Variants in MYH1 observed in about 807,000 individuals in gnomAD.
MYH1 encodes the protein myosin-1.
In MYH1, 214 loss-of-function variants were observed where a neutral mutation model predicts 225.6. That is an observed-to-expected ratio of 0.95 (90% confidence interval 0.85 to 1.06). The LOEUF (loss-of-function observed/expected upper bound fraction) is 1.06. MYH1 is among the 50% of genes least tolerant of loss of function. The pLI, the probability that MYH1 is intolerant of heterozygous loss-of-function variation, is 0.00. For missense variants in MYH1, 2,098 were observed against 2,344.2 expected, an observed-to-expected ratio of 0.89 and a Z score of 2.17; for synonymous variants, 774 against 842.3, an observed-to-expected ratio of 0.92 and a Z score of 1.40.
At chr17:10,505,719 A>G (rs1317024479) in intron 19 of MYH1, 93 bp downstream of exon 19, 15 of 1,528,768 alleles carry the variant, frequency 9.8e-6, no homozygotes, top group Non-Finnish European at 1.3e-5. Flanking sequence ...CTTCTCTTCA[A>G]TTTTAAGAGG....
At position 10,500,858 on chromosome 17, in the gene MYH1, G is replaced by A. The variant is rs574365884; in HGVS notation, c.3739-106C>T. 2.0e-6 allele frequency: 3 copies of A among 1,509,860 alleles called. No individual in the cohort carries two copies. The African/African-American group carries it at 4.2e-5, about 21-fold the overall frequency. The allele number at this position is 1,509,860 out of a possible 1,614,324, so 93.5% of individuals were successfully genotyped here. Reference sequence around the variant, plus strand: ...GAGCTGCAGTACTCATTTATTTTGAGAAGAAACTATCTTTACAAACAAAAC... The same window carrying A: ...GAGCTGCAGTACTCATTTATTTTGAAAAGAAACTATCTTTACAAACAAAAC... On this transcript the variant is annotated intron_variant, in intron 27 of 39. Transcript: ENST00000226207.
chr17:10,509,752 A>T, intron 14 of MYH1, 97 bp from the exon 15 acceptor site: 3 of 1,602,018 alleles, frequency 1.9e-6, no homozygotes, highest in Non-Finnish European at 2.6e-6. Flanking sequence ...CCCTCTTAGG[A>T]TGGTATCGTT....
At chr17:10,494,856 C>G (rs2072971050) in intron 37 of MYH1, 75 bp downstream of exon 37, 2 of 1,612,126 alleles carry the variant, frequency 1.2e-6, no homozygotes, top group South Asian at 1.1e-5. Context: ...CCCACATCAT[C>G]TAGCAGTGCT....
At chr17:10,498,884 C>T in intron 29 of MYH1, 62 bp from the exon 30 acceptor site, 1 of 1,603,608 alleles carries the variant, frequency 6.2e-7, no homozygotes, top group East Asian at 2.2e-5. Flanking sequence ...GATTCCTGAT[C>T]TCCTATAGGC....
rs116842879 is a variant in MYH1 at position 10,513,812 on chromosome 17, G to A, written c.741+9C>T. On this transcript the variant is annotated intron_variant, in intron 8 of 39. Transcript: ENST00000226207. ...GCAGAGAAGACCCTTTGGCAACCAAGAGACTTACAAAGCGAGAGGAGTTGT... is the reference window on the plus strand; with the variant it reads ...GCAGAGAAGACCCTTTGGCAACCAAAAGACTTACAAAGCGAGAGGAGTTGT... 2.9e-4 allele frequency: 472 copies of A among 1,614,192 alleles called. 2 individuals carry two copies. In the East Asian group the frequency reaches 9.2e-3, roughly 31 times the overall value.
At position 10,497,436 on chromosome 17, in the gene MYH1, T is replaced by C; in HGVS notation, c.4382A>G (p.Lys1461Arg). The part of the protein sequence containing the change: ...RNFDKILAEW[K>R]QKCEETHAEL... ...AGCATGAGTTTCTTCACACTTCTGT[T>C]TCCATTCTGCCAGGATCTGAAGGTC... The change falls in exon 32 of 40, where the codon AAA becomes AGA. Residue 1461 changes from lysine to arginine, a missense_variant. Physicochemically the swap from Lys to Arg is conservative, Grantham distance 26. Coordinates refer to ENST00000226207, the MANE Select transcript of MYH1 (RefSeq NM_005963.4). The C allele has an allele frequency of 1.2e-6, 2 of 1,605,236 alleles. No homozygotes were observed. Among genetic ancestry groups the C allele is most frequent in the Non-Finnish European group, 1.7e-6 (2 of 1,178,142 alleles).
chr17:10,492,312 G>T lies in MYH1; in HGVS notation c.*104C>A. 1 of 1,366,050 alleles carries T rather than the reference G, an allele frequency of 7.3e-7. No homozygotes were observed. The highest frequency in any genetic ancestry group is 1.0e-6 in the Non-Finnish European group (1 of 987,024). The allele number at this position is 1,366,050 out of a possible 1,614,324, so 84.6% of individuals were successfully genotyped here. ...GGGAAAAAGAGACTCACAAGTTTTT[G>T]GCAGATAAATTTTTTATCTCCAAAA... On this transcript the variant is annotated 3_prime_UTR_variant, in exon 40 of 40. Transcript: ENST00000226207.
intron 2 of MYH1, among the ~76,000 whole-genome samples, chr17:10,517,506 C>T (rs1310026152): frequency 6.6e-6 from 1 of 152,158 alleles, no homozygotes; most frequent in East Asian, 1.9e-4. Flanking sequence ...CCCCCTCTTG[C>T]CACATTAGCT....
At chr17:10,509,376 T>G in intron 15 of MYH1, 109 bp downstream of exon 15, 1 of 1,539,512 alleles carries the variant, frequency 6.5e-7, no homozygotes, top group Non-Finnish European at 8.8e-7. Flanking sequence ...ATTCTCCTCA[T>G]GTTTTTCACA....
intron 31 of MYH1, 88 bp downstream of exon 31, chr17:10,497,646 C>A (rs723903): frequency 5.1e-6 from 8 of 1,559,622 alleles, no homozygotes; most frequent in Non-Finnish European, 7.0e-6. Context: ...TGAGAACAGC[C>A]CTCAGATGGT....
At position 10,505,406 on chromosome 17, in the gene MYH1, A is replaced by G; in HGVS notation, c.2280T>C (p.Tyr760=). ...ATATTACCTTGGTGTGACCAAATTT[A>G]TACTGGGTGTGGTCAATGTCAATGG... The part of the protein sequence containing the change: ...LGSIDIDHTQ[Y]KFGHTKVFFK... Residue 760 remains tyrosine (Y), a synonymous_variant, in exon 20 of 40, where the codon TAT becomes TAC. Transcript: ENST00000226207. 6.2e-7 allele frequency: 1 copy of G among 1,614,258 alleles called. No homozygotes were observed. The highest frequency in any genetic ancestry group is 8.5e-7 in the Non-Finnish European group (1 of 1,180,052).
At chr17:10,500,565 C>T in intron 28 of MYH1, 61 bp downstream of exon 28, 3 of 1,603,792 alleles carry the variant, frequency 1.9e-6, no homozygotes, top group Non-Finnish European at 2.6e-6. Flanking sequence ...CAGAGTTTTT[C>T]AGTGGATTAC....
chr17:10,513,937 G>A (rs776194072), intron 7 of MYH1, 24 bp from the exon 8 acceptor site: 1 of 1,613,846 alleles, frequency 6.2e-7, no homozygotes, highest in South Asian at 1.1e-5. Context: ...AGCAGTCCTT[G>A]CATCTGGGGC....
At chr17:10,501,523 T>C (rs754498883) in intron 26 of MYH1, 24 bp from the exon 27 acceptor site, 3 of 1,614,204 alleles carry the variant, frequency 1.9e-6, no homozygotes, top group South Asian at 2.2e-5. Flanking sequence ...AAAATATTAA[T>C]ACGAACTCAA....
In MYH1 at chr17:10,503,372, T is replaced by C. The variant is rs534098393; in HGVS notation, c.2692-124A>G. ...CCTTCAGGTTAATTTTTATTAGCTTTCTACCATTCAGTAAATATTGGGCAC... is the reference window on the plus strand; with the variant it reads ...CCTTCAGGTTAATTTTTATTAGCTTCCTACCATTCAGTAAATATTGGGCAC... On this transcript the variant is annotated intron_variant, in intron 22 of 39. Coordinates refer to ENST00000226207, the MANE Select transcript of MYH1 (RefSeq NM_005963.4). 49 of 1,353,974 alleles carry C rather than the reference T, an allele frequency of 3.6e-5. No individual in the cohort carries two copies. The East Asian group carries it at 6.3e-4, about 17-fold the overall frequency. 83.9% of individuals were successfully genotyped at this position (1,353,974 alleles called of 1,614,324 possible).
intron 2 of MYH1, among the ~76,000 whole-genome samples, chr17:10,517,242 T>C (rs1211071814): frequency 6.6e-6 from 1 of 152,234 alleles, no homozygotes; most frequent in Non-Finnish European, 1.5e-5. Context: ...ATTTTCATTA[T>C]AAACTTGGGA....
At chr17:10,517,444 T>C (rs566720642) in intron 2 of MYH1, among the ~76,000 whole-genome samples, 74 of 152,354 alleles carry the variant, frequency 4.9e-4, no homozygotes, top group Middle Eastern at 6.8e-3. Flanking sequence ...GTTTTCTTGC[T>C]CTATTATTAA....
chr17:10,498,844 A>T, intron 29 of MYH1, 22 bp from the exon 30 acceptor site: 1 of 1,612,962 alleles, frequency 6.2e-7, no homozygotes, highest in Non-Finnish European at 8.5e-7. Context: ...GAGATTGATG[A>T]CTTAATTTTA....
In MYH1 at chr17:10,512,134, G is replaced by A. The variant is rs768409972; in HGVS notation, c.1206C>T (p.Leu402=). The A allele has an allele frequency of 1.8e-5, 29 of 1,614,086 alleles. No homozygotes were observed. In the Admixed American group the frequency reaches 4.7e-4, roughly 26 times the overall value. ...NLNSADLLKA[L]CYPRVKVGNE... ...TGCCGACCTTGACCCTAGGGTAGCAGAGGGCTTTGAGCAGATCTGCAGAGT... is the reference window on the plus strand; with the variant it reads ...TGCCGACCTTGACCCTAGGGTAGCAAAGGGCTTTGAGCAGATCTGCAGAGT... The change falls in exon 13 of 40, where the codon CTC becomes CTT. Residue 402 remains leucine (L), a synonymous_variant. Transcript: ENST00000226207.
Sources: allele counts gnomAD v4.1 joint callset (sites outside exome capture counted in the v4.1 genomes callset), GRCh38; gene constraint gnomAD v4.1.1; transcripts MANE v1.5; gene names NCBI Gene and HGNC (gene_info 2026-07-23, HGNC 2026-07-21).